PRMT8: variants seen among roughly 807,000 people sequenced by gnomAD.
PRMT8 encodes the protein protein arginine methyltransferase 8.
Under a neutral mutation model 47.1 loss-of-function variants are expected in PRMT8, and 7 were observed. The ratio of observed to expected loss-of-function variants is 0.15; its 90% CI spans 0.08 to 0.28. The LOEUF is 0.28. PRMT8 is among the 10% of genes least tolerant of loss of function. PRMT8 has a pLI of 1.00. For missense variants in PRMT8, 237 were observed against 505.4 expected (o/e 0.47, Z 5.09); for synonymous variants, 188 against 186.5 (o/e 1.01, Z -0.07).
chr12:3,397,814 C>T (rs996339917), intron 1 of PRMT8, among the ~76,000 whole-genome samples: 11 of 152,288 alleles, frequency 7.2e-5, no homozygotes, highest in East Asian at 5.8e-4. Context: ...CCCAGCCTCG[C>T]TGCCGCCTTG....
At chr12:3,421,029 G>A (rs1223954543) in intron 1 of PRMT8, among the ~76,000 whole-genome samples, 1 of 152,190 alleles carries the variant, frequency 6.6e-6, no homozygotes, top group African/African-American at 2.4e-5. Flanking sequence ...GGGAGGAGAC[G>A]ATATTGTGAC....
chr12:3,416,244 C>T (rs1438254908), intron 1 of PRMT8, among the ~76,000 whole-genome samples: 1 of 152,190 alleles, frequency 6.6e-6, no homozygotes, highest in African/African-American at 2.4e-5. Flanking sequence ...TGTGTCTTTG[C>T]TGACATCATC....
At chr12:3,477,639 G>A (rs1229227620) in intron 1 of PRMT8, among the ~76,000 whole-genome samples, 3 of 152,154 alleles carry the variant, frequency 2.0e-5, no homozygotes, top group Non-Finnish European at 4.4e-5. Context: ...GATAGTGTGC[G>A]CCAAACTCGC....
intron 1 of PRMT8, among the ~76,000 whole-genome samples, chr12:3,429,303 C>A (rs994517226): frequency 6.6e-6 from 1 of 151,694 alleles, no homozygotes; most frequent in Non-Finnish European, 1.5e-5. Context: ...GCTGGCCAGC[C>A]TATTTCACAC....
intron 1 of PRMT8, among the ~76,000 whole-genome samples, chr12:3,435,308 G>T (rs185636974): frequency 6.6e-6 from 1 of 152,114 alleles, no homozygotes; most frequent in East Asian, 1.9e-4. Context: ...GCGTTGAGCT[G>T]GTGAGTTGAA....
chr12:3,536,452 T>C (rs1416095213), intron 1 of PRMT8, among the ~76,000 whole-genome samples: 1 of 152,196 alleles, frequency 6.6e-6, no homozygotes, highest in Non-Finnish European at 1.5e-5. Context: ...GGGAGCCCCA[T>C]GGAAAAGAGA....
chr12:3,446,615 G>A (rs144096978), intron 1 of PRMT8, among the ~76,000 whole-genome samples: 7 of 152,280 alleles, frequency 4.6e-5, no homozygotes, highest in Non-Finnish European at 1.0e-4. Flanking sequence ...TCCCAGCTGT[G>A]TGTCATATAG....
chr12:3,407,479 C>G (rs914537992), intron 1 of PRMT8, among the ~76,000 whole-genome samples: 4 of 152,110 alleles, frequency 2.6e-5, no homozygotes, highest in Admixed American at 6.5e-5. Context: ...GTTGATGGTT[C>G]TAACTCTGTT....
intron 1 of PRMT8, among the ~76,000 whole-genome samples, chr12:3,397,769 C>A (rs1279132646): frequency 6.6e-6 from 1 of 152,054 alleles, no homozygotes; most frequent in East Asian, 1.9e-4. Flanking sequence ...GCTTTGTTTA[C>A]CTCAGCAAGC....
chr12:3,533,026 C>T (rs1866057459), intron 1 of PRMT8, among the ~76,000 whole-genome samples: 1 of 152,166 alleles, frequency 6.6e-6, no homozygotes, highest in African/African-American at 2.4e-5. Context: ...CCAGGAAACA[C>T]AGCCTTGAGA....
At chr12:3,447,679 GTC>G (rs35976050) in intron 1 of PRMT8, among the ~76,000 whole-genome samples, 25,090 of 151,952 alleles carry the variant, frequency 0.17, 2,398 homozygotes, top group African/African-American at 0.24. Flanking sequence ...AATCTCAGTT[GTC>G]TCTCTCTCCT....
chr12:3,453,213 A>G lies in PRMT8; in HGVS notation c.48+71771A>G, dbSNP rs575027745. Among the ~76,000 whole-genome samples, 77 of 152,310 alleles carry G rather than the reference A, an allele frequency of 5.1e-4. No homozygotes were observed. The highest frequency in any genetic ancestry group is 1.8e-3 in the African/African-American group (76 of 41,554). On this transcript the variant is annotated intron_variant, in intron 1 of 9. Transcript: ENST00000452611. The surrounding 1 kb of genome is among the most constrained non-coding windows in gnomAD (Gnocchi z 4.9). ...ACCATGGAAGCTGCTGAAAGGGTGC[A>G]GGGAAGCCACGGTTCCTTCCCTCCC... is the stretch of plus-strand genomic sequence containing the variant.
chr12:3,445,680 G>A (rs980267209), intron 1 of PRMT8, among the ~76,000 whole-genome samples: 3 of 152,094 alleles, frequency 2.0e-5, no homozygotes, highest in Admixed American at 2.0e-4. Context: ...TTGAAGGAAC[G>A]GCTCTGCACA....
intron 1 of PRMT8, among the ~76,000 whole-genome samples, chr12:3,444,910 G>T (rs1321560421): frequency 6.6e-6 from 1 of 152,240 alleles, no homozygotes; most frequent in Non-Finnish European, 1.5e-5. Context: ...AAAGACAGTG[G>T]GTAGTGGAAG....
chr12:3,553,625 G>T, intron 3 of PRMT8, 26 bp from the exon 4 acceptor site: 2 of 1,571,296 alleles, frequency 1.3e-6, no homozygotes, highest in South Asian at 2.2e-5. Context: ...TTGACGCCTT[G>T]CTCCTTTGTC....
intron 8 of PRMT8, among the ~76,000 whole-genome samples, chr12:3,586,198 G>T (rs761101549): frequency 1.3e-5 from 2 of 152,184 alleles, no homozygotes; most frequent in Non-Finnish European, 2.9e-5. Context: ...TGGCTCTGGG[G>T]TGTTAGGGAT....
chr12:3,550,086 T>A lies in PRMT8; in HGVS notation c.412T>A (p.Phe138Ile). 6.2e-7 allele frequency: 1 copy of A among 1,613,954 alleles called. No homozygotes were observed. Among genetic ancestry groups the A allele is most frequent in the Non-Finnish European group, 8.5e-7 (1 of 1,179,980 alleles). Reference protein sequence around the residue: ...FAAKAGAKKVFGIECSSISDY... With the variant: ...FAAKAGAKKVIGIECSSISDY... ...TGCCAAGGCAGGGGCCAAGAAGGTGTTTGGGGTGAGCACGCCGCTTCCTCC... is the reference window on the plus strand; with the variant it reads ...TGCCAAGGCAGGGGCCAAGAAGGTGATTGGGGTGAGCACGCCGCTTCCTCC... The change falls in exon 3 of 10, where the codon TTT (phenylalanine) becomes ATT (isoleucine). Residue 138 changes from phenylalanine (F) to isoleucine (I), a missense_variant. Transcript: ENST00000382622. The surrounding 1 kb of genome is among the most constrained non-coding windows in gnomAD (Gnocchi z 5.1).
In PRMT8 at chr12:3,472,267, C is replaced by T. The variant is rs187364234; in HGVS notation, c.49-68339C>T. 1.5e-3 allele frequency among the ~76,000 whole-genome samples: 234 copies of T among 152,320 alleles called. 1 individual carries two copies. Among genetic ancestry groups the T allele is most frequent in the Non-Finnish European group, 1.9e-3 (131 of 68,028 alleles). The stretch of plus-strand genomic sequence containing the variant: ...CAGGGCCTCTGTTTGCTTGACATTC[C>T]GGCTGGCCTCAGCCTTTTCCTTGTT... On this transcript the variant is annotated intron_variant, in intron 1 of 9. Transcript: ENST00000452611.
intron 1 of PRMT8, among the ~76,000 whole-genome samples, chr12:3,432,604 G>T (rs943486628): frequency 6.6e-6 from 1 of 151,986 alleles, no homozygotes; most frequent in African/African-American, 2.4e-5. Flanking sequence ...GGCCGATGGG[G>T]CTGGAAAGCA....
Sources: gnomAD v4.1 joint callset for allele counts (sites outside exome capture counted in the v4.1 genomes callset) on GRCh38, gnomAD v4.1.1 for gene constraint, Gnocchi (gnomAD v3.1) non-coding constraint, MANE v1.5 for transcripts, NCBI Gene and HGNC (gene_info 2026-07-23, HGNC 2026-07-21) for gene names.